STK24: variants seen among roughly 807,000 people sequenced by gnomAD.
STK24 encodes serine/threonine kinase 24.
In STK24, 21 loss-of-function variants were observed where a neutral mutation model predicts 55.6. The ratio of observed to expected loss-of-function variants is 0.38; its 90% confidence interval spans 0.27 to 0.54. The LOEUF (loss-of-function observed/expected upper bound fraction) is 0.54. Ranked by LOEUF, STK24 falls within the 20% of genes least tolerant of loss-of-function variation. The pLI is 0.79. For synonymous variants in STK24, 200 were observed against 215.2 expected (o/e 0.93, Z 0.62); for missense variants, 383 against 538.4 (o/e 0.71, Z 2.86).
intron 1 of STK24, among the ~76,000 whole-genome samples, chr13:98,570,917 T>TA (rs1241936693): frequency 6.6e-6 from 1 of 152,162 alleles, no homozygotes; most frequent in African/African-American, 2.4e-5. Context: ...ACATGGATAA[T>TA]AGAGTGCAAC....
chr13:98,497,152 C>A (rs1008570448), intron 2 of STK24, among the ~76,000 whole-genome samples: 1 of 152,130 alleles, frequency 6.6e-6, no homozygotes, highest in South Asian at 2.1e-4. Flanking sequence ...TCCCTGCCCG[C>A]GGCACAGTCC....
chr13:98,454,048 C>T (rs1267172414), intron 10 of STK24: 1 of 152,146 alleles, frequency 6.6e-6, no homozygotes, highest in Non-Finnish European at 1.5e-5. Flanking sequence ...GATATTCAGC[C>T]TGTATATGTG....
chr13:98,573,040 T>C (rs1897783268), intron 1 of STK24, among the ~76,000 whole-genome samples: 3 of 152,154 alleles, frequency 2.0e-5, no homozygotes, highest in Non-Finnish European at 4.4e-5. Context: ...GAAATGCTCA[T>C]TGGGAGCACT....
intron 10 of STK24, chr13:98,456,267 G>T: frequency 2.9e-6 from 1 of 345,952 alleles, no homozygotes; most frequent in Non-Finnish European, 5.7e-6. Context: ...GGGACCTCAC[G>T]TGTGCAAAAC....
intron 1 of STK24, among the ~76,000 whole-genome samples, chr13:98,563,499 G>T (rs988385274): frequency 3.3e-5 from 5 of 152,140 alleles, no homozygotes; most frequent in Non-Finnish European, 7.4e-5. Context: ...TCCTCTTCCT[G>T]ATGTGGTCAA....
At chr13:98,456,745 G>T in intron 10 of STK24, 2 of 353,424 alleles carry the variant, frequency 5.7e-6, no homozygotes, top group South Asian at 2.1e-5. Context: ...GAACACACCT[G>T]CGCCCGCTCC....
intron 1 of STK24, among the ~76,000 whole-genome samples, chr13:98,554,587 A>T (rs566970033): frequency 6.6e-6 from 1 of 152,220 alleles, no homozygotes; most frequent in Admixed American, 6.5e-5. Context: ...GCACTCTGGG[A>T]GCCAAGGTGG....
intron 1 of STK24, among the ~76,000 whole-genome samples, chr13:98,533,438 T>C (rs1896632452): frequency 6.6e-6 from 1 of 152,056 alleles, no homozygotes; most frequent in African/African-American, 2.4e-5. Flanking sequence ...AAAACCCTAG[T>C]GCTAGCATCT....
chr13:98,447,008 TC>T lies in STK24; in HGVS notation c.*6164del. On this transcript the variant is annotated 3_prime_UTR_variant, in exon 11 of 11. Transcript: ENST00000539966. ...CATGGCAGAAAGTGGGGTCCCAACTTCCCTGCGCCCTTACCCTGCACGGTGT... is the reference window on the plus strand; with the variant it reads ...CATGGCAGAAAGTGGGGTCCCAACTTCCTGCGCCCTTACCCTGCACGGTGT... The T allele has an allele frequency of 1.7e-6, 1 of 596,882 alleles. No homozygotes were observed. Among genetic ancestry groups the T allele is most frequent in the South Asian group, 2.0e-5 (1 of 50,488 alleles). The allele number at this position is 596,882 out of a possible 1,614,324, so 37.0% of individuals were successfully genotyped here.
rs533812307 is a variant in STK24, at chr13:98,466,498, C to T, written c.661G>A (p.Glu221Lys). The T allele has an allele frequency of 5.6e-6, 9 of 1,614,034 alleles. No homozygotes were observed. The highest frequency in any genetic ancestry group is 7.6e-6 in the Non-Finnish European group (9 of 1,180,028). The change falls in exon 6 of 11, where the codon GAG (glutamate) becomes AAG (lysine). Residue 221 changes from glutamate to lysine, a missense_variant. Transcript: ENST00000539966. ...ELARGEPPHSELHPMKVLFLI... is the reference protein window; with the variant it reads ...ELARGEPPHSKLHPMKVLFLI... ...AATAAAACTTTCATGGGGTGCAGCTCGGAATGAGGTGGTTCCCCTCTTGCA... is the reference window on the plus strand; with the variant it reads ...AATAAAACTTTCATGGGGTGCAGCTTGGAATGAGGTGGTTCCCCTCTTGCA...
chr13:98,507,824 C>A (rs1895749205), intron 2 of STK24, among the ~76,000 whole-genome samples: 1 of 152,112 alleles, frequency 6.6e-6, no homozygotes, highest in South Asian at 2.1e-4. Flanking sequence ...GTAAAGGCAG[C>A]CTCCCCTCTA....
rs751128993 is a variant in STK24, at chr13:98,463,807, G to A, written c.813C>T (p.His271=). The change falls in exon 7 of 11, where the codon CAC becomes CAT. Residue 271 remains histidine, a synonymous_variant. Transcript: ENST00000539966. The part of the protein sequence containing the change: ...FRPTAKELLK[H]KFILRNAKKT... The stretch of plus-strand genomic sequence containing the variant: ...TCTTTGCATTGCGTAGTATAAACTT[G>A]TGCTTCAATAACTCCTTAGCAGTGG... 4.3e-6 allele frequency: 7 copies of A among 1,614,046 alleles called. No individual in the cohort carries two copies. In the South Asian group the frequency reaches 6.6e-5, roughly 15 times the overall value.
Position 98,453,039 on chromosome 13 carries a change from G to C in STK24, c.*134C>G. 1 of 942,592 alleles carries C rather than the reference G, an allele frequency of 1.1e-6. No homozygotes were observed. The highest frequency in any genetic ancestry group is 1.6e-5 in the South Asian group (1 of 63,494). 58.4% of individuals were successfully genotyped at this position (942,592 alleles called of 1,614,324 possible). A position where few individuals can be genotyped will look rare whatever the true frequency, so the allele number is the denominator to read the frequency against. Reference sequence around the variant, plus strand: ...GAAGACTGTGTGTGTCCCTGGACGGGCGCCTGGCGCTGGGGTGGCTCCCAG... The same window carrying C: ...GAAGACTGTGTGTGTCCCTGGACGGCCGCCTGGCGCTGGGGTGGCTCCCAG... On this transcript the variant is annotated 3_prime_UTR_variant, in exon 11 of 11. Coordinates refer to ENST00000539966, the MANE Select transcript of STK24 (RefSeq NM_001032296.4).
In STK24 at chr13:98,446,429, T is replaced by A. The variant is rs1892839355; in HGVS notation, c.*6744A>T. The A allele has an allele frequency of 5.0e-6, 3 of 602,864 alleles. No homozygotes were observed. Among genetic ancestry groups the A allele is most frequent in the Non-Finnish European group, 8.8e-6 (3 of 340,272 alleles). The allele number at this position is 602,864 out of a possible 1,614,324, so 37.3% of individuals were successfully genotyped here. On this transcript the variant is annotated 3_prime_UTR_variant, in exon 11 of 11. Transcript: ENST00000539966. ...AACTTCTGCCCTAGGAAGGGCCACC[T>A]GTCTTCTGCCTGGACAAGGGACGGG...
intron 1 of STK24, among the ~76,000 whole-genome samples, chr13:98,540,763 C>CG: frequency 1.7e-5 from 1 of 58,872 alleles, no homozygotes; most frequent in Non-Finnish European, 3.3e-5. Flanking sequence ...ATATTAAAAG[C>CG]AAAAAAAAAA....
intron 1 of STK24, among the ~76,000 whole-genome samples, chr13:98,551,501 T>C (rs1255663872): frequency 6.6e-6 from 1 of 151,910 alleles, no homozygotes; most frequent in South Asian, 2.1e-4. Flanking sequence ...AATCTTTCTA[T>C]CACGGCTTCT....
At chr13:98,515,249 C>CA (rs1434232166) in intron 2 of STK24, among the ~76,000 whole-genome samples, 1 of 151,970 alleles carries the variant, frequency 6.6e-6, no homozygotes, top group African/African-American at 2.4e-5. Flanking sequence ...AATACAAAAC[C>CA]AAAAAATTCT....
At chr13:98,481,934 G>GC (rs1894598686) in intron 3 of STK24, among the ~76,000 whole-genome samples, 1 of 152,016 alleles carries the variant, frequency 6.6e-6, no homozygotes, top group Non-Finnish European at 1.5e-5. Context: ...AGGTGTGGTG[G>GC]CATGCACCTG....
intron 3 of STK24, among the ~76,000 whole-genome samples, chr13:98,480,086 G>A (rs1333968223): frequency 6.6e-6 from 1 of 152,192 alleles, no homozygotes; most frequent in Admixed American, 6.5e-5. Flanking sequence ...ATTCAAAAAG[G>A]AATGTCTGTC....
Sources: gnomAD v4.1 joint callset for allele counts (sites outside exome capture counted in the v4.1 genomes callset) on GRCh38, gnomAD v4.1.1 for gene constraint, MANE v1.5 for transcripts, NCBI Gene and HGNC (gene_info 2026-07-23, HGNC 2026-07-21) for gene names.